CR1L: variants seen among roughly 807,000 people sequenced by gnomAD.
The protein encoded by CR1L is complement C3b/C4b receptor 1 like, also known as complement component receptor 1-like protein.
In CR1L, 59 loss-of-function variants were observed where a neutral mutation model predicts 62.3. That is an observed-to-expected ratio of 0.95 (90% CI 0.77 to 1.18). The LOEUF (loss-of-function observed/expected upper bound fraction) is 1.18. Among genes scored for constraint, CR1L ranks in the 50% most tolerant of loss-of-function variants. The probability of loss-of-function intolerance (pLI) is 0.00; values close to 1 mark genes in which losing one functional copy is unlikely to be tolerated. For missense variants in CR1L, 700 were observed against 702.8 expected (o/e 1.00, Z 0.04); for synonymous variants, 279 against 248.7 (o/e 1.12, Z -1.15).
chr1:207,689,510 C>T (rs2102465651), intron 4 of CR1L, among the ~76,000 whole-genome samples: 1 of 152,202 alleles, frequency 6.6e-6, no homozygotes, highest in East Asian at 1.9e-4. Context: ...GATTCAGTTT[C>T]ATAATATTTT....
chr1:207,700,176 C>T (rs1664169904), intron 8 of CR1L, among the ~76,000 whole-genome samples: 1 of 152,056 alleles, frequency 6.6e-6, no homozygotes, highest in Non-Finnish European at 1.5e-5. Flanking sequence ...TTTAGAAAAC[C>T]ATGAAATTTT....
intron 1 of CR1L, chr1:207,657,168 C>A (rs547506389): frequency 1.0e-4 from 98 of 963,822 alleles, no homozygotes; most frequent in Non-Finnish European, 1.6e-4. Context: ...GGAAAACACA[C>A]CTTTAGTGAA....
chr1:207,694,315 A>G (rs1290071678), intron 4 of CR1L, 38 bp from the exon 5 acceptor site: 2 of 1,610,682 alleles, frequency 1.2e-6, no homozygotes, highest in Non-Finnish European at 1.7e-6. Context: ...GATTTTTGTC[A>G]TTCATTATTT....
At chr1:207,669,285 G>A (rs1663571184) in intron 1 of CR1L, 1 of 553,712 alleles carries the variant, frequency 1.8e-6, no homozygotes, top group Admixed American at 3.1e-5. Flanking sequence ...TGCCCATGAA[G>A]GGGAAGCTGG....
At chr1:207,684,969 C>G (rs545732986) in intron 4 of CR1L, among the ~76,000 whole-genome samples, 1 of 152,096 alleles carries the variant, frequency 6.6e-6, no homozygotes, top group Non-Finnish European at 1.5e-5. Flanking sequence ...ATTGGTCACA[C>G]ATTTATTGCT....
At chr1:207,666,059 A>T (rs1160691755) in intron 1 of CR1L, among the ~76,000 whole-genome samples, 1 of 152,236 alleles carries the variant, frequency 6.6e-6, no homozygotes, top group Non-Finnish European at 1.5e-5. Flanking sequence ...GAGGAGAAAG[A>T]GCTAACACGT....
At chr1:207,684,772 TA>T (rs79957421) in intron 4 of CR1L, among the ~76,000 whole-genome samples, 15,105 of 151,394 alleles carry the variant, frequency 0.1, 1,188 homozygotes, top group East Asian at 0.38. Context: ...CTCATTTTAT[TA>T]AAAAAAAATA....
chr1:207,716,500 T>A (rs1267657983), intron 10 of CR1L, among the ~76,000 whole-genome samples: 1 of 152,196 alleles, frequency 6.6e-6, no homozygotes, highest in Non-Finnish European at 1.5e-5. Flanking sequence ...ATGATTTTTT[T>A]AAACCTTTTT....
chr1:207,668,313 T>C (rs1663553761), intron 1 of CR1L, among the ~76,000 whole-genome samples: 1 of 151,098 alleles, frequency 6.6e-6, no homozygotes, highest in African/African-American at 2.5e-5. Context: ...GTGGTATATA[T>C]ACACAAGGGA....
At chr1:207,649,478 C>T (rs528922957) in intron 1 of CR1L, among the ~76,000 whole-genome samples, 2 of 152,332 alleles carry the variant, frequency 1.3e-5, no homozygotes, top group South Asian at 2.1e-4. Context: ...CTTAGCACAA[C>T]GTGACTCCAA....
Position 207,699,338 on chromosome 1 carries a change from T to C in CR1L, c.1228+64T>C, listed in dbSNP as rs146636186. The C allele has an allele frequency of 3.2e-3, 5,075 of 1,584,684 alleles. 135 individuals are homozygous for C. In the African/African-American group the frequency reaches 0.058, roughly 18 times the overall value. On this transcript the variant is annotated intron_variant, in intron 8 of 11. Transcript: ENST00000508064. ...CTTCATCTGTTCAGTATTTGACCCA[T>C]GACCTCCCCTAATGTGGTTCTTCAA...
chr1:207,661,627 A>G (rs971546372), intron 1 of CR1L, among the ~76,000 whole-genome samples: 9 of 151,996 alleles, frequency 5.9e-5, no homozygotes, highest in Non-Finnish European at 1.3e-4. Context: ...TTTTAATTGG[A>G]GCATTTAGCC....
chr1:207,722,718 C>T (rs1463127992), intron 11 of CR1L, among the ~76,000 whole-genome samples: 20 of 152,036 alleles, frequency 1.3e-4, no homozygotes, highest in Non-Finnish European at 2.5e-4. Context: ...TGTAATGTAA[C>T]GAATATTGTT....
At chr1:207,710,395 G>T in intron 10 of CR1L, 4 of 1,508,790 alleles carry the variant, frequency 2.7e-6, no homozygotes, top group Non-Finnish European at 3.7e-6. Context: ...TTCCTTGTGG[G>T]CTACCCCCCA....
At chr1:207,686,454 CT>C (rs1043311974) in intron 4 of CR1L, among the ~76,000 whole-genome samples, 2 of 151,944 alleles carry the variant, frequency 1.3e-5, no homozygotes, top group Non-Finnish European at 2.9e-5. Context: ...TTATCGAGCA[CT>C]TTAGTTATAT....
intron 1 of CR1L, among the ~76,000 whole-genome samples, chr1:207,652,094 C>A (rs574107302): frequency 6.6e-6 from 1 of 152,200 alleles, no homozygotes; most frequent in Non-Finnish European, 1.5e-5. Context: ...GGTCCTTGAC[C>A]CCCAGGAACT....
chr1:207,708,276 C>A lies in CR1L; in HGVS notation c.1414+13C>A, dbSNP rs1664302119. The A allele has an allele frequency of 6.2e-7, 1 of 1,610,444 alleles. No individual in the cohort carries two copies. The highest frequency in any genetic ancestry group is 8.5e-7 in the Non-Finnish European group (1 of 1,178,674). On this transcript the variant is annotated intron_variant, in intron 10 of 11. Transcript: ENST00000508064. The stretch of plus-strand genomic sequence containing the variant: ...CCAATTTGTCAACGTGAGTTGAAAT[C>A]TCTTTCCCCATTCACCCCACCATTT...
At chr1:207,719,016 C>T (rs1654071860) in intron 11 of CR1L, among the ~76,000 whole-genome samples, 1 of 145,076 alleles carries the variant, frequency 6.9e-6, no homozygotes, top group South Asian at 2.2e-4. Context: ...GAACAAAAAA[C>T]CAAACACCGC....
chr1:207,654,464 A>G (rs1327330436), intron 1 of CR1L, among the ~76,000 whole-genome samples: 1 of 152,210 alleles, frequency 6.6e-6, no homozygotes, highest in East Asian at 1.9e-4. Context: ...ACTAAATGAG[A>G]AATACCAAAT....
Sources: allele counts gnomAD v4.1 joint callset (sites outside exome capture counted in the v4.1 genomes callset), GRCh38; gene constraint gnomAD v4.1.1; transcripts MANE v1.5; gene names NCBI Gene and HGNC (gene_info 2026-07-23, HGNC 2026-07-21).